The following CUX1 variants were observed in gnomAD, a reference collection of about 807,000 sequenced individuals.
CUX1 encodes the protein protein CASP.
In CUX1, 31 loss-of-function variants were observed where a neutral mutation model predicts 158.8. The ratio of observed to expected loss-of-function variants is 0.20; its 90% CI spans 0.15 to 0.26. The LOEUF (loss-of-function observed/expected upper bound fraction) is 0.26. CUX1 is among the 10% of genes least tolerant of loss of function. The probability of loss-of-function intolerance (pLI) is 1.00; values close to 1 mark genes in which losing one functional copy is unlikely to be tolerated. For synonymous variants in CUX1, 879 were observed against 862.1 expected (o/e 1.02, Z -0.34); for missense variants, 1,589 against 2,014.6 (o/e 0.79, Z 4.04).
chr7:102,177,530 C>T (rs1554512371), intron 10 of CUX1, among the ~76,000 whole-genome samples: 1 of 152,050 alleles, frequency 6.6e-6, no homozygotes, highest in East Asian at 1.9e-4. Context: ...TTGAATCCCA[C>T]CTTGTGGTGG....
chr7:102,203,295 C>T (rs534351413), intron 18 of CUX1, among the ~76,000 whole-genome samples: 68 of 152,282 alleles, frequency 4.5e-4, no homozygotes, highest in Admixed American at 1.7e-3. Context: ...TAAAAGGCAC[C>T]TTCCTGAGGG....
chr7:102,014,473 G>T (rs1818373508), intron 2 of CUX1, among the ~76,000 whole-genome samples: 1 of 152,310 alleles, frequency 6.6e-6, no homozygotes. Context: ...GGACCTGCTG[G>T]ATAAAACTGG....
At chr7:101,905,115 G>T (rs774455903) in intron 1 of CUX1, among the ~76,000 whole-genome samples, 1 of 152,092 alleles carries the variant, frequency 6.6e-6, no homozygotes, top group African/African-American at 2.4e-5. Flanking sequence ...TGTGTCTCTG[G>T]GTGGGGGGCT....
intron 23 of CUX1, among the ~76,000 whole-genome samples, chr7:102,241,944 T>C (rs1024475545): frequency 3.3e-4 from 50 of 152,302 alleles, no homozygotes; most frequent in African/African-American, 1.2e-3. Flanking sequence ...CACTCCAGTC[T>C]GGGTGATAGA....
intron 2 of CUX1, among the ~76,000 whole-genome samples, chr7:102,001,966 ACTAAAAAGGTG>A: frequency 2.0e-5 from 3 of 152,186 alleles, no homozygotes; most frequent in Non-Finnish European, 2.9e-5. Flanking sequence ...TACAACTGTG[ACTAAAAAGGTG>A]TTTAGAGAAC....
intron 2 of CUX1, among the ~76,000 whole-genome samples, chr7:101,987,300 G>A (rs376766362): frequency 3.3e-5 from 5 of 152,198 alleles, no homozygotes; most frequent in African/African-American, 1.2e-4. Context: ...TTGTCCTAAT[G>A]TGGAACTCCC....
chr7:102,245,256 GCTGGTCTCTAACTC>G (rs1554536501), intron 23 of CUX1, among the ~76,000 whole-genome samples: 1 of 152,072 alleles, frequency 6.6e-6, no homozygotes, highest in Non-Finnish European at 1.5e-5. Flanking sequence ...TTTTGCCCAG[GCTGGTCTCTAACTC>G]CTGAGCTCAA....
At chr7:102,053,369 G>T (rs1332683166) in intron 3 of CUX1, among the ~76,000 whole-genome samples, 2 of 152,108 alleles carry the variant, frequency 1.3e-5, no homozygotes, top group Admixed American at 1.3e-4. Flanking sequence ...TTTGATACAG[G>T]CATGCTACGT....
intron 14 of CUX1, among the ~76,000 whole-genome samples, chr7:102,268,936 A>C: frequency 9.5e-6 from 1 of 105,120 alleles, no homozygotes; most frequent in Non-Finnish European, 1.9e-5. Context: ...CTGGGGATTA[A>C]TTACTTTTTT....
rs67147187 is a variant in CUX1 at position 102,021,614 on chromosome 7, CTTTTTTTT to C, written c.142-6469_142-6462del. ...TGAGCTACCAGATACTTTTTTTTCT[CTTTTTTTT>C]TTTTTTTTTTTTTTGGATGGAGTTT... On this transcript the variant is annotated intron_variant, in intron 2 of 23. Coordinates refer to ENST00000292535, the MANE Select transcript of CUX1 (RefSeq NM_181552.4). Among the ~76,000 whole-genome samples, 184 of 109,356 alleles carry C rather than the reference CTTTTTTTT, an allele frequency of 1.7e-3. 2 individuals are homozygous for C. Among genetic ancestry groups the C allele is most frequent in the African/African-American group, 5.0e-3 (161 of 32,094 alleles). 71.7% of individuals were successfully genotyped at this position (109,356 alleles called of 152,430 possible).
chr7:102,282,266 C>T (rs1792134113), intron 21 of CUX1, among the ~76,000 whole-genome samples: 1 of 152,150 alleles, frequency 6.6e-6, no homozygotes, highest in African/African-American at 2.4e-5. Flanking sequence ...GAAGACTGCA[C>T]AGAGAAGGGG....
At chr7:101,855,325 C>T (rs1429036123) in intron 1 of CUX1, among the ~76,000 whole-genome samples, 8 of 152,196 alleles carry the variant, frequency 5.3e-5, no homozygotes, top group Admixed American at 4.6e-4. Flanking sequence ...GGCCCGGTGG[C>T]CTTGCCTGCC....
intron 2 of CUX1, among the ~76,000 whole-genome samples, chr7:101,997,561 C>T (rs933520564): frequency 1.3e-5 from 2 of 152,052 alleles, no homozygotes; most frequent in African/African-American, 4.8e-5. Context: ...TCAGGCTGGT[C>T]TCAAACTTCT....
Position 102,178,582 on chromosome 7 carries a change from C to A in CUX1, c.942C>A (p.Thr314=). The A allele has an allele frequency of 6.2e-7, 1 of 1,612,368 alleles. No individual in the cohort carries two copies. Among genetic ancestry groups the A allele is most frequent in the Non-Finnish European group, 8.5e-7 (1 of 1,179,240 alleles). The change falls in exon 11 of 24, where the codon ACC becomes ACA. Residue 314 remains threonine, a synonymous_variant. Transcript: ENST00000292535. ...EDVQRLQASL[T]KLRENSASQI... ...TGCAGAGACTCCAGGCCAGCCTCAC[C>A]AAGCTGCGGGAGAATTCGGCCAGCC...
chr7:102,137,059 G>A (rs565764500), intron 8 of CUX1, among the ~76,000 whole-genome samples: 74 of 152,278 alleles, frequency 4.9e-4, no homozygotes, highest in African/African-American at 1.6e-3. Flanking sequence ...AGTAGTGAAC[G>A]TGCACCCTGT....
At chr7:101,816,121 G>A (rs755700309), upstream of CUX1, 1 of 1,296,224 alleles carries the variant, frequency 7.7e-7, no homozygotes, top group South Asian at 1.4e-5. Context: ...TCGGCCTCGC[G>A]CCCGGGGGTG....
intron 1 of CUX1, among the ~76,000 whole-genome samples, chr7:101,857,716 A>G (rs56799029): frequency 0.075 from 11,415 of 152,296 alleles, 491 homozygotes; most frequent in African/African-American, 0.11. Flanking sequence ...TAGCTGTGCT[A>G]TAGCTTTGCA....
intron 1 of CUX1, among the ~76,000 whole-genome samples, chr7:101,911,624 G>A (rs377128027): frequency 1.9e-4 from 29 of 152,370 alleles, no homozygotes; most frequent in Middle Eastern, 6.8e-3. Context: ...CCTTGGCGTT[G>A]ACCTTGGCCC....
At chr7:102,067,782 GT>G (rs776417308) in intron 3 of CUX1, among the ~76,000 whole-genome samples, 2 of 151,722 alleles carry the variant, frequency 1.3e-5, no homozygotes, top group Non-Finnish European at 2.9e-5. Context: ...GCTCATGCCT[GT>G]AATCTCGCCT....
Sources: allele counts gnomAD v4.1 joint callset (sites outside exome capture counted in the v4.1 genomes callset), GRCh38; gene constraint gnomAD v4.1.1; transcripts MANE v1.5; gene names NCBI Gene and HGNC (gene_info 2026-07-23, HGNC 2026-07-21).